Variants in VPS8 observed in about 807,000 individuals in gnomAD.
VPS8 encodes VPS8 subunit of CORVET complex, also known as vacuolar protein sorting-associated protein 8 homolog.
A neutral mutation model predicts 216.4 loss-of-function variants in VPS8; 129 were observed. The ratio of observed to expected loss-of-function variants is 0.60; its 90% confidence interval spans 0.52 to 0.69. The LOEUF (loss-of-function observed/expected upper bound fraction) is 0.69. Among genes scored for constraint, VPS8 ranks in the 30% least tolerant of loss-of-function variants. The pLI is 0.00. For synonymous variants in VPS8, 571 were observed against 565.4 expected, an observed-to-expected ratio of 1.01 and a Z score of -0.14; for missense variants, 1,531 against 1,683.5, an observed-to-expected ratio of 0.91 and a Z score of 1.59.
chr3:184,829,416 A>G (rs965980576), intron 3 of VPS8, among the ~76,000 whole-genome samples: 5 of 152,172 alleles, frequency 3.3e-5, no homozygotes, highest in African/African-American at 7.2e-5. Context: ...GGGTTTTGCT[A>G]TGTTGGCCAG....
chr3:185,048,073 A>G (rs1205835075), intron 46 of VPS8, among the ~76,000 whole-genome samples: 1 of 152,212 alleles, frequency 6.6e-6, no homozygotes, highest in Non-Finnish European at 1.5e-5. Context: ...TTTTTAAATG[A>G]CAGTGCGTCT....
At chr3:184,882,177 T>C (rs141917694) in intron 21 of VPS8, among the ~76,000 whole-genome samples, 37 of 152,238 alleles carry the variant, frequency 2.4e-4, no homozygotes, top group African/African-American at 8.2e-4. Flanking sequence ...CATTTGATTT[T>C]TCACTATGAA....
chr3:184,952,076 C>T (rs1576958893), intron 36 of VPS8, among the ~76,000 whole-genome samples: 2 of 152,282 alleles, frequency 1.3e-5, no homozygotes, highest in African/African-American at 4.8e-5. Context: ...ATTTATAAGA[C>T]ATATTAACAG....
At chr3:184,978,956 T>G (rs1749748455) in intron 40 of VPS8, among the ~76,000 whole-genome samples, 1 of 152,214 alleles carries the variant, frequency 6.6e-6, no homozygotes, top group Non-Finnish European at 1.5e-5. Flanking sequence ...ACTTACCTCT[T>G]AACACTGCTT....
At chr3:184,872,301 A>G (rs1728483569) in intron 21 of VPS8, among the ~76,000 whole-genome samples, 1 of 152,010 alleles carries the variant, frequency 6.6e-6, no homozygotes, top group Non-Finnish European at 1.5e-5. Context: ...TGTGGAGAAT[A>G]TAGAAACCAC....
chr3:184,829,222 C>CT (rs34500564), intron 3 of VPS8, among the ~76,000 whole-genome samples: 65 of 151,796 alleles, frequency 4.3e-4, no homozygotes, highest in African/African-American at 1.5e-3. Flanking sequence ...TCATTTTGTT[C>CT]TTTTTTTTGA....
chr3:185,019,347 G>GACACACACACAC (rs111857967), intron 45 of VPS8, among the ~76,000 whole-genome samples: 1 of 149,778 alleles, frequency 6.7e-6, no homozygotes, highest in African/African-American at 2.5e-5. Flanking sequence ...AGGAATTAAA[G>GACACACACACAC]ACACACACAC....
At chr3:184,867,845 C>CA (rs1422251207) in intron 17 of VPS8, among the ~76,000 whole-genome samples, 179 bp from the exon 18 acceptor site, 3 of 151,532 alleles carry the variant, frequency 2.0e-5, no homozygotes, top group African/African-American at 7.3e-5. Context: ...GACTCTGTCT[C>CA]AAAAAAAAGA....
chr3:185,049,709 G>C (rs1415548506), intron 47 of VPS8, among the ~76,000 whole-genome samples: 2 of 152,102 alleles, frequency 1.3e-5, no homozygotes, highest in Non-Finnish European at 2.9e-5. Context: ...CTCAATTCTA[G>C]GTGGTCCCAT....
At chr3:184,898,712 T>C in intron 24 of VPS8, 58 bp downstream of exon 24, 1 of 1,316,476 alleles carries the variant, frequency 7.6e-7, no homozygotes, top group Non-Finnish European at 1.0e-6. Flanking sequence ...TTTTTTCTCC[T>C]ATTCTCCATT....
At chr3:184,816,960 A>G (rs1716462745) in intron 1 of VPS8, among the ~76,000 whole-genome samples, 2 of 152,202 alleles carry the variant, frequency 1.3e-5, no homozygotes, top group South Asian at 4.1e-4. Flanking sequence ...TGCTGAAGAT[A>G]ATAGATGAAA....
rs772443931 is a variant in VPS8, at chr3:184,868,986, C to T, written c.1547C>T (p.Ala516Val). ...CTGAAACAAGATTGTCTTACAGAAG[C>T]GTTGGCTCTTGCGTGGTCTTTCCAT... is the stretch of plus-strand genomic sequence containing the variant. ...HLLKQDCLTE[A>V]LALAWSFHEG... Residue 516 changes from alanine (A) to valine (V), a missense_variant, in exon 19 of 48, where the codon GCG (alanine) becomes GTG (valine). Physicochemically the swap from Ala to Val is moderately conservative, Grantham distance 64 (BLOSUM62 0). Coordinates refer to ENST00000625842, the MANE Select transcript of VPS8 (RefSeq NM_001009921.3). 26 of 1,610,766 alleles carry T rather than the reference C, an allele frequency of 1.6e-5. No homozygotes were observed. Among genetic ancestry groups the T allele is most frequent in the Non-Finnish European group, 2.0e-5 (24 of 1,178,618 alleles).
intron 45 of VPS8, among the ~76,000 whole-genome samples, chr3:185,021,842 A>G (rs560691726): frequency 1.3e-5 from 2 of 152,312 alleles, no homozygotes; most frequent in South Asian, 4.1e-4. Context: ...TATCATCTGT[A>G]CTGTAGTCTC....
At chr3:184,967,089 C>T (rs1469444263) in intron 39 of VPS8, among the ~76,000 whole-genome samples, 1 of 151,950 alleles carries the variant, frequency 6.6e-6, no homozygotes, top group Non-Finnish European at 1.5e-5. Flanking sequence ...GCCTCACCCT[C>T]CCAAGTAGCT....
At chr3:184,879,330 G>A (rs1013950896) in intron 21 of VPS8, among the ~76,000 whole-genome samples, 8 of 152,194 alleles carry the variant, frequency 5.3e-5, no homozygotes, top group Admixed American at 3.3e-4. Context: ...ATACATTGAA[G>A]AAGAGATTAG....
chr3:184,930,101 A>G (rs1304705196), intron 33 of VPS8, among the ~76,000 whole-genome samples: 1 of 152,172 alleles, frequency 6.6e-6, no homozygotes, highest in African/African-American at 2.4e-5. Context: ...CTGAGTAGAG[A>G]TCATATAGAT....
intron 33 of VPS8, 97 bp downstream of exon 33, chr3:184,929,761 GA>G: frequency 3.1e-6 from 2 of 655,182 alleles, no homozygotes; most frequent in Non-Finnish European, 4.9e-6. Context: ...GCATGTGTAT[GA>G]GCCAAATACA....
At chr3:184,963,147 A>G (rs1746814186) in intron 37 of VPS8, among the ~76,000 whole-genome samples, 6 of 152,080 alleles carry the variant, frequency 3.9e-5, no homozygotes, top group Non-Finnish European at 7.4e-5. Flanking sequence ...TGCTTTGGCT[A>G]TTTTTAGTGT....
chr3:184,992,544 A>G (rs1577084860), intron 42 of VPS8, among the ~76,000 whole-genome samples: 1 of 152,092 alleles, frequency 6.6e-6, no homozygotes, highest in African/African-American at 2.4e-5. Flanking sequence ...TCTAAGCCTC[A>G]GTTTCTTTAC....
Sources: allele counts gnomAD v4.1 joint callset (sites outside exome capture counted in the v4.1 genomes callset), GRCh38; gene constraint gnomAD v4.1.1; transcripts MANE v1.5; gene names NCBI Gene and HGNC (gene_info 2026-07-23, HGNC 2026-07-21).